CACNA1B: variants seen among roughly 807,000 people sequenced by gnomAD.
CACNA1B encodes the protein calcium voltage-gated channel subunit alpha1 B.
CACNA1B carries 70 observed loss-of-function variants against 247.2 expected under a neutral mutation model. That is an observed-to-expected ratio of 0.28 (90% CI 0.23 to 0.35). The LOEUF (loss-of-function observed/expected upper bound fraction) is 0.35, where lower values mean the gene tolerates loss of function less well. Among genes scored for constraint, CACNA1B ranks in the 10% least tolerant of loss-of-function variants. CACNA1B has a pLI of 1.00. For missense variants in CACNA1B, 2,367 were observed against 3,197.4 expected (o/e 0.74, Z 6.26); for synonymous variants, 1,231 against 1,294.4 (o/e 0.95, Z 1.05).
At chr9:138,015,843 T>C (rs1474917283) in intron 18 of CACNA1B, among the ~76,000 whole-genome samples, 1 of 152,198 alleles carries the variant, frequency 6.6e-6, no homozygotes, top group Non-Finnish European at 1.5e-5. Flanking sequence ...GGACATGTCT[T>C]CCTGGTTCTC....
intron 8 of CACNA1B, 97 bp from the exon 9 acceptor site, chr9:137,956,672 AGC>A: frequency 1.3e-6 from 1 of 773,760 alleles, no homozygotes; most frequent in Non-Finnish European, 2.0e-6. Context: ...AAAAAAAAAG[AGC>A]TGAGAAGGCA....
chr9:137,912,854 A>G (rs1957372852), intron 3 of CACNA1B, among the ~76,000 whole-genome samples: 1 of 152,134 alleles, frequency 6.6e-6, no homozygotes, highest in Admixed American at 6.5e-5. Flanking sequence ...TGGTAGACAG[A>G]TTTCCTGCCA....
intron 38 of CACNA1B, among the ~76,000 whole-genome samples, chr9:138,104,071 G>A (rs1039200749): frequency 2.6e-5 from 4 of 152,262 alleles, no homozygotes; most frequent in African/African-American, 9.6e-5. Flanking sequence ...CCACCCAGCT[G>A]TGCTGGCTGA....
At position 138,058,981 on chromosome 9, in the gene CACNA1B, C is replaced by A; in HGVS notation, c.4474-98C>A. 1 of 777,362 alleles carries A rather than the reference C, an allele frequency of 1.3e-6. No individual in the cohort carries two copies. Among genetic ancestry groups the A allele is most frequent in the Non-Finnish European group, 2.2e-6 (1 of 449,788 alleles). The allele number at this position is 777,362 out of a possible 1,614,324, so 48.2% of individuals were successfully genotyped here. ...GGGTGTCCCAGGCCTAGGCAGGCAT[C>A]GAGTTCTGTCTGCCCGCTTTGCTTG... On this transcript the variant is annotated intron_variant, in intron 29 of 46. Transcript: ENST00000371372. The surrounding 1 kb of genome is among the most constrained non-coding windows in gnomAD (Gnocchi z 4.7).
intron 21 of CACNA1B, among the ~76,000 whole-genome samples, chr9:138,046,214 C>G (rs1959184711): frequency 6.6e-6 from 1 of 152,198 alleles, no homozygotes; most frequent in South Asian, 2.1e-4. Flanking sequence ...CCCCCAGTGT[C>G]CAGCACATGC....
At chr9:138,044,149 G>A (rs973871567) in intron 21 of CACNA1B, among the ~76,000 whole-genome samples, 5 of 152,228 alleles carry the variant, frequency 3.3e-5, no homozygotes, top group African/African-American at 4.8e-5. Flanking sequence ...CCTCTGTGGT[G>A]TGCGTGTGTC....
intron 16 of CACNA1B, among the ~76,000 whole-genome samples, chr9:138,008,665 C>T (rs1304814936): frequency 6.6e-5 from 10 of 152,240 alleles, no homozygotes; most frequent in Admixed American, 6.5e-4. Flanking sequence ...GCCAGTACCA[C>T]AGGGAGAGTG....
At chr9:138,107,501 A>T (rs911009067) in intron 39 of CACNA1B, among the ~76,000 whole-genome samples, 2 of 151,932 alleles carry the variant, frequency 1.3e-5, no homozygotes, top group East Asian at 1.9e-4. Context: ...TTTCTGATTC[A>T]TGCCTTCTCT....
At chr9:137,904,055 T>G (rs527922553) in intron 3 of CACNA1B, among the ~76,000 whole-genome samples, 1 of 152,146 alleles carries the variant, frequency 6.6e-6, no homozygotes, top group Admixed American at 6.5e-5. Context: ...TTCCTGCCAG[T>G]TTTTTCCTTT....
chr9:138,085,924 C>T (rs1960678928), intron 36 of CACNA1B, among the ~76,000 whole-genome samples: 1 of 151,236 alleles, frequency 6.6e-6, no homozygotes, highest in Non-Finnish European at 1.5e-5. Context: ...GAAGCAAAGA[C>T]ATGATAATTA....
intron 11 of CACNA1B, among the ~76,000 whole-genome samples, chr9:137,972,495 A>C (rs1589041859): frequency 6.6e-6 from 1 of 151,954 alleles, no homozygotes; most frequent in African/African-American, 2.4e-5. Context: ...GAGAAGAGCT[A>C]TCCCAGCTCC....
At chr9:137,956,529 G>A (rs1183930848) in intron 8 of CACNA1B, among the ~76,000 whole-genome samples, 3 of 152,048 alleles carry the variant, frequency 2.0e-5, no homozygotes, top group African/African-American at 4.8e-5. Context: ...ATGGTAGCAC[G>A]TCCCTGTAAT....
chr9:137,930,453 T>C (rs1223721062), intron 6 of CACNA1B, among the ~76,000 whole-genome samples: 1 of 152,222 alleles, frequency 6.6e-6, no homozygotes. Flanking sequence ...GGTGGGAGAA[T>C]ACACTAAACT....
At chr9:138,061,066 C>T (rs1959704824) in intron 31 of CACNA1B, among the ~76,000 whole-genome samples, 1 of 152,236 alleles carries the variant, frequency 6.6e-6, no homozygotes, top group Admixed American at 6.5e-5. Context: ...CGTGGTAATC[C>T]AGTCGCAGTG....
At chr9:137,910,454 G>T (rs1003304631) in intron 3 of CACNA1B, among the ~76,000 whole-genome samples, 2 of 152,076 alleles carry the variant, frequency 1.3e-5, no homozygotes, top group Admixed American at 1.3e-4. Context: ...GGATGGTTTT[G>T]GGACGATTCA....
At chr9:137,916,115 C>G (rs1334095126) in intron 5 of CACNA1B, among the ~76,000 whole-genome samples, 1 of 151,286 alleles carries the variant, frequency 6.6e-6, no homozygotes, top group Non-Finnish European at 1.5e-5. Flanking sequence ...TCGCTGCAAC[C>G]TCCGCCTCCC....
chr9:137,969,401 C>T (rs568865901), intron 10 of CACNA1B, among the ~76,000 whole-genome samples: 20 of 152,232 alleles, frequency 1.3e-4, no homozygotes, highest in African/African-American at 4.6e-4. Flanking sequence ...GTTGTGTGCA[C>T]AGGAAGATGT....
intron 3 of CACNA1B, among the ~76,000 whole-genome samples, chr9:137,887,014 C>T (rs1274109281): frequency 6.7e-6 from 1 of 149,830 alleles, no homozygotes; most frequent in African/African-American, 2.5e-5. Flanking sequence ...ACCCAGGATC[C>T]CCAGGGAATG....
intron 16 of CACNA1B, 57 bp downstream of exon 16, chr9:138,006,941 C>A: frequency 1.1e-6 from 1 of 871,226 alleles, no homozygotes; most frequent in Non-Finnish European, 1.9e-6. Context: ...TCCTCTTCTC[C>A]ATGGCCACCA....
Sources: allele counts gnomAD v4.1 joint callset (sites outside exome capture counted in the v4.1 genomes callset), GRCh38; gene constraint gnomAD v4.1.1; non-coding constraint Gnocchi (gnomAD v3.1); transcripts MANE v1.5; gene names NCBI Gene and HGNC (gene_info 2026-07-23, HGNC 2026-07-21).